The following KBTBD11 variants were observed in gnomAD, a reference collection of about 807,000 sequenced individuals.
KBTBD11 encodes kelch repeat and BTB domain-containing protein 11.
For missense variants in KBTBD11, 1,390 were observed against 1,001.8 expected, an observed-to-expected ratio of 1.39 and a Z score of -5.23; for synonymous variants, 747 against 499.0, an observed-to-expected ratio of 1.50 and a Z score of -6.63.
chr8:2,000,717 T>A lies in KBTBD11; in HGVS notation c.-476T>A. On this transcript the variant is annotated 5_prime_UTR_variant, in exon 2 of 2. Transcript: ENST00000320248. ...CTCCTGAGAGCGAGGGCGCACCCAA[T>A]ACCTGGTTATCTGGTACTGCAGAGA... 1 of 152,816 alleles carries A rather than the reference T, an allele frequency of 6.5e-6. No homozygotes were observed. The highest frequency in any genetic ancestry group is 1.5e-5 in the Non-Finnish European group (1 of 68,668). 9.5% of individuals were successfully genotyped at this position (152,816 alleles called of 1,614,324 possible).
At chr8:1,978,722 G>A (rs11136450) in intron 1 of KBTBD11, among the ~76,000 whole-genome samples, 113,685 of 151,888 alleles carry the variant, frequency 0.75, 42,726 homozygotes, top group South Asian at 0.85. Flanking sequence ...CGGGATGGGC[G>A]TGCCGAGCAG....
chr8:1,986,739 C>T (rs1177463104), intron 1 of KBTBD11, among the ~76,000 whole-genome samples: 3 of 152,152 alleles, frequency 2.0e-5, no homozygotes, highest in Non-Finnish European at 2.9e-5. Context: ...GTTGTTTAAA[C>T]ATATGGCATT....
At position 2,002,296 on chromosome 8, in the gene KBTBD11, G is replaced by A; in HGVS notation, c.1104G>A (p.Ala368=). Reference sequence around the variant, plus strand: ...ACCTCTTCGTGGCGGGCGGCGTGGCGCCCGCGGGCCCCGACGGCCGCGCGC... The same window carrying A: ...ACCTCTTCGTGGCGGGCGGCGTGGCACCCGCGGGCCCCGACGGCCGCGCGC... ...YNYLFVAGGV[A]PAGPDGRARP... Residue 368 remains alanine, a synonymous_variant, in exon 2 of 2, where the codon GCG becomes GCA. Transcript: ENST00000320248. This position sits in a 1 kb window ranked among gnomAD's most constrained non-coding sequence, Gnocchi z 4.1. 3.0e-6 allele frequency: 4 copies of A among 1,317,498 alleles called. No homozygotes were observed. Among genetic ancestry groups the A allele is most frequent in the Non-Finnish European group, 3.9e-6 (4 of 1,038,344 alleles). The allele number at this position is 1,317,498 out of a possible 1,614,324, so 81.6% of individuals were successfully genotyped here. A position where few individuals can be genotyped will look rare whatever the true frequency, so the allele number is the denominator to read the frequency against.
chr8:1,981,653 A>C (rs1466409782), intron 1 of KBTBD11, among the ~76,000 whole-genome samples: 1 of 152,180 alleles, frequency 6.6e-6, no homozygotes, highest in East Asian at 1.9e-4. Flanking sequence ...GAGAGCCCAG[A>C]TAGAAGAAAA....
At position 2,002,379 on chromosome 8, in the gene KBTBD11, GGCCCCTGCGCCAGGCGCGCTC is replaced by G; in HGVS notation, c.1190_1210del (p.Pro397_Ser403del). The G allele has an allele frequency of 1.4e-6, 2 of 1,478,868 alleles. No individual in the cohort carries two copies. Among genetic ancestry groups the G allele is most frequent in the Non-Finnish European group, 1.8e-6 (2 of 1,120,972 alleles). The allele number at this position is 1,478,868 out of a possible 1,614,324, so 91.6% of individuals were successfully genotyped here. On this transcript the variant is annotated inframe_deletion, in exon 2 of 2. Transcript: ENST00000320248. This position sits in a 1 kb window ranked among gnomAD's most constrained non-coding sequence, Gnocchi z 4.1. ...GCCACGGACAGCTGGAGCGCCGTGA[GGCCCCTGCGCCAGGCGCGCTC>G]GCAGCTGCGGCTGCTGGCCCTGGAC...
chr8:1,978,695 A>G (rs34363015), intron 1 of KBTBD11, among the ~76,000 whole-genome samples: 16,455 of 152,232 alleles, frequency 0.11, 1,511 homozygotes, highest in African/African-American at 0.25. Flanking sequence ...CTGTGAGCGC[A>G]GGGGAATCTC....
intron 1 of KBTBD11, among the ~76,000 whole-genome samples, chr8:1,985,475 G>A (rs755909563): frequency 4.6e-5 from 7 of 152,386 alleles, no homozygotes; most frequent in Non-Finnish European, 4.4e-5. Flanking sequence ...CTGTCCTGGC[G>A]CCCGGCGCCC....
Position 2,003,336 on chromosome 8 carries a change from A to T in KBTBD11, c.*272A>T, listed in dbSNP as rs901958669. The T allele has an allele frequency of 2.4e-5, 9 of 368,346 alleles. No individual in the cohort carries two copies. The highest frequency in any genetic ancestry group is 4.2e-5 in the Non-Finnish European group (9 of 213,754). 22.8% of individuals were successfully genotyped at this position (368,346 alleles called of 1,614,324 possible). ...GACACAGAGAAGGCTGTGGGATCCA[A>T]AGGGTCAGCCTCAGGGTACAGTGGG... On this transcript the variant is annotated 3_prime_UTR_variant, in exon 2 of 2. Coordinates refer to ENST00000320248, the MANE Select transcript of KBTBD11 (RefSeq NM_014867.3).
chr8:1,989,676 G>T (rs764838831), intron 1 of KBTBD11, among the ~76,000 whole-genome samples: 1 of 152,156 alleles, frequency 6.6e-6, no homozygotes, highest in Admixed American at 6.5e-5. Flanking sequence ...ACGACGCATC[G>T]CCTCCCCGAA....
At chr8:1,987,317 C>A (rs1342425021) in intron 1 of KBTBD11, among the ~76,000 whole-genome samples, 1 of 152,206 alleles carries the variant, frequency 6.6e-6, no homozygotes, top group African/African-American at 2.4e-5. Context: ...CACGTTGAGA[C>A]ATGCAGATCT....
chr8:2,004,794 T>C lies in KBTBD11; in HGVS notation c.*1730T>C, dbSNP rs1218202970. ...ACTTGATTGGCCTTTTATAGGAGTATACTGGAGAAATGGTTGTAGAAACAG... is the reference window on the plus strand; with the variant it reads ...ACTTGATTGGCCTTTTATAGGAGTACACTGGAGAAATGGTTGTAGAAACAG... On this transcript the variant is annotated 3_prime_UTR_variant, in exon 2 of 2. Coordinates refer to ENST00000320248, the MANE Select transcript of KBTBD11 (RefSeq NM_014867.3). The C allele has an allele frequency of 6.0e-6, 1 of 167,046 alleles. No homozygotes were observed. The highest frequency in any genetic ancestry group is 6.5e-5 in the Admixed American group (1 of 15,278). 10.3% of individuals were successfully genotyped at this position (167,046 alleles called of 1,614,324 possible).
chr8:1,993,363 A>ATCCGTCCGTCCGTCCG (rs1165431763), intron 1 of KBTBD11, among the ~76,000 whole-genome samples: 1 of 143,150 alleles, frequency 7.0e-6, no homozygotes, highest in Non-Finnish European at 1.6e-5. Flanking sequence ...CCATCGGTCC[A>ATCCGTCCGTCCGTCCG]TCCGTCCGTC....
chr8:1,983,696 T>C (rs540239396), intron 1 of KBTBD11, among the ~76,000 whole-genome samples: 133 of 152,336 alleles, frequency 8.7e-4, no homozygotes, highest in East Asian at 3.9e-3. Flanking sequence ...GGGGCAGTCT[T>C]GTGCAAATAA....
At position 2,002,518 on chromosome 8, in the gene KBTBD11, C is replaced by G. The variant is rs1331529027; in HGVS notation, c.1326C>G (p.Pro442=). 6.5e-7 allele frequency: 1 copy of G among 1,527,196 alleles called. No homozygotes were observed. 94.6% of individuals were successfully genotyped at this position (1,527,196 alleles called of 1,614,324 possible). A position where few individuals can be genotyped will look rare whatever the true frequency, so the allele number is the denominator to read the frequency against. The change falls in exon 2 of 2, where the codon CCC becomes CCG. Residue 442 remains proline, a synonymous_variant. Transcript: ENST00000320248. This position sits in a 1 kb window ranked among gnomAD's most constrained non-coding sequence, Gnocchi z 4.1. ...GCTGGGCCCCCGTGGCGCCGCTGCC[C>G]CGGGGCGCCTTCGCCGTGGCGCATG... The part of the protein sequence containing the change: ...ADRWAPVAPL[P]RGAFAVAHEA...
At position 2,002,140 on chromosome 8, in the gene KBTBD11, GGGGGACGCGGACGCGCGC is replaced by G; in HGVS notation, c.959_976del (p.Asp320_Ala325del). On this transcript the variant is annotated inframe_deletion, in exon 2 of 2. Transcript: ENST00000320248. The surrounding 1 kb of genome is among the most constrained non-coding windows in gnomAD (Gnocchi z 4.1). ...CGGGCAGCCGGCCTCAGAGCCCCTC[GGGGGACGCGGACGCGCGC>G]GGGGACGCGGCCGTCTACTGCTTCC... 3 of 1,166,398 alleles carry G rather than the reference GGGGGACGCGGACGCGCGC, an allele frequency of 2.6e-6. No homozygotes were observed. Among genetic ancestry groups the G allele is most frequent in the Non-Finnish European group, 3.2e-6 (3 of 949,120 alleles). 72.3% of individuals were successfully genotyped at this position (1,166,398 alleles called of 1,614,324 possible). A position where few individuals can be genotyped will look rare whatever the true frequency, so the allele number is the denominator to read the frequency against.
At chr8:1,993,958 C>CACACACACACAAAA (rs1554527404) in intron 1 of KBTBD11, among the ~76,000 whole-genome samples, 4 of 148,244 alleles carry the variant, frequency 2.7e-5, no homozygotes, top group South Asian at 4.3e-4. Context: ...CACACACACA[C>CACACACACACAAAA]AAAACCCCAT....
chr8:1,981,732 C>T (rs892026901), intron 1 of KBTBD11, among the ~76,000 whole-genome samples: 12 of 152,238 alleles, frequency 7.9e-5, no homozygotes, highest in African/African-American at 2.2e-4. Context: ...GGGACACCGT[C>T]TTCTTCTGCC....
chr8:1,999,299 A>G (rs1817258275), intron 1 of KBTBD11, among the ~76,000 whole-genome samples: 1 of 152,244 alleles, frequency 6.6e-6, no homozygotes, highest in African/African-American at 2.4e-5. Context: ...GCTATTGCAC[A>G]TAATAAGTAG....
At position 2,000,433 on chromosome 8, in the gene KBTBD11, C is replaced by G. The variant is rs931092555; in HGVS notation, c.-760C>G. 1 of 152,230 alleles carries G rather than the reference C, an allele frequency of 6.6e-6. No homozygotes were observed. The allele number at this position is 152,230 out of a possible 1,614,324, so 9.4% of individuals were successfully genotyped here. A position where few individuals can be genotyped will look rare whatever the true frequency, so the allele number is the denominator to read the frequency against. Reference sequence around the variant, plus strand: ...CCCCTGGCAGTGAATTACGGATGACCCCGTATATGAGGAGGTGTGGATGCC... The same window carrying G: ...CCCCTGGCAGTGAATTACGGATGACGCCGTATATGAGGAGGTGTGGATGCC... On this transcript the variant is annotated 5_prime_UTR_variant, in exon 2 of 2. Coordinates refer to ENST00000320248, the MANE Select transcript of KBTBD11 (RefSeq NM_014867.3).
Sources: allele counts gnomAD v4.1 joint callset (sites outside exome capture counted in the v4.1 genomes callset), GRCh38; gene constraint gnomAD v4.1.1; non-coding constraint Gnocchi (gnomAD v3.1); transcripts MANE v1.5; gene names NCBI Gene and HGNC (gene_info 2026-07-23, HGNC 2026-07-21).